The following MYSM1 variants were observed in gnomAD, a reference collection of about 807,000 sequenced individuals.
MYSM1 encodes the protein Myb like, SWIRM and MPN domains 1, also known as deubiquitinase MYSM1.
In MYSM1, 51 loss-of-function variants were observed where a neutral mutation model predicts 116.0. The observed-to-expected ratio is 0.44, with a 90% CI of 0.35 to 0.56. The LOEUF is 0.56. Among genes scored for constraint, MYSM1 ranks in the 20% least tolerant of loss-of-function variants. MYSM1 has a pLI of 0.00. For synonymous variants in MYSM1, 313 were observed against 315.2 expected (o/e 0.99, Z 0.07); for missense variants, 900 against 974.9 (o/e 0.92, Z 1.02).
intron 5 of MYSM1, chr1:58,689,547 G>A (rs1189868159): frequency 6.5e-6 from 1 of 153,098 alleles, no homozygotes; most frequent in Non-Finnish European, 1.5e-5. Flanking sequence ...ATTTAGAAAA[G>A]AAGTCAAAAA....
In MYSM1 at chr1:58,699,616, C is replaced by T. The variant is rs116714247; in HGVS notation, c.68+369G>A. 857 of 984,386 alleles carry T rather than the reference C, an allele frequency of 8.7e-4. 8 individuals carry two copies. In the African/African-American group the frequency reaches 0.012, roughly 14 times the overall value. The allele number at this position is 984,386 out of a possible 1,614,324, so 61.0% of individuals were successfully genotyped here. ...GGCTAGCAAGCCATAGAACAAGAGT[C>T]CCTGACCTCAGGTCTCGTCCGTAGC... On this transcript the variant is annotated intron_variant, in intron 1 of 19. Coordinates refer to ENST00000472487, the MANE Select transcript of MYSM1 (RefSeq NM_001085487.3).
chr1:58,695,031 G>T, intron 2 of MYSM1, 98 bp downstream of exon 2: 1 of 588,924 alleles, frequency 1.7e-6, no homozygotes, highest in Non-Finnish European at 2.9e-6. Context: ...ATCTGTGATA[G>T]TTGAGAACTA....
At position 58,682,035 on chromosome 1, in the gene MYSM1, G is replaced by A. The variant is rs1263488117; in HGVS notation, c.1009C>T (p.Gln337Ter). 6.2e-7 allele frequency: 1 copy of A among 1,614,004 alleles called. No homozygotes were observed. The highest frequency in any genetic ancestry group is 8.5e-7 in the Non-Finnish European group (1 of 1,180,026). ...TCACAAGGCTCTGGAGAAGGCAACTGCCTGGCATCAACTATTATTCCCCTT... is the reference window on the plus strand; with the variant it reads ...TCACAAGGCTCTGGAGAAGGCAACTACCTGGCATCAACTATTATTCCCCTT... ...DGRGIIVDAR[Q>*]LPSPEPCEIQ... The change falls in exon 8 of 20, where the codon CAG becomes TAG. Residue 337 changes from glutamine (Q) to a stop codon, truncating the protein, a stop_gained. Coordinates refer to ENST00000472487, the MANE Select transcript of MYSM1 (RefSeq NM_001085487.3). LOFTEE classifies it high-confidence loss of function.
rs77020443 is a variant in MYSM1, at chr1:58,686,596, A to C, written c.400-1345T>G. Among the ~76,000 whole-genome samples the C allele has an allele frequency of 7.1e-3, 1,087 of 152,360 alleles. 15 individuals carry two copies. The highest frequency in any genetic ancestry group is 0.025 in the African/African-American group (1,035 of 41,588). On this transcript the variant is annotated intron_variant, in intron 6 of 19. Coordinates refer to ENST00000472487, the MANE Select transcript of MYSM1 (RefSeq NM_001085487.3). ...AAATATGACATATGGACAATTTCTTAAACTCAAAGTGCTTCTGAAAATTAT... is the reference window on the plus strand; with the variant it reads ...AAATATGACATATGGACAATTTCTTCAACTCAAAGTGCTTCTGAAAATTAT...
chr1:58,679,207 C>G (rs1243282781), intron 8 of MYSM1, among the ~76,000 whole-genome samples: 1 of 152,048 alleles, frequency 6.6e-6, no homozygotes, highest in Non-Finnish European at 1.5e-5. Context: ...AGTGCCTAAC[C>G]ACTCACTCTC....
Position 58,689,091 on chromosome 1 carries a change from T to C in MYSM1, c.346A>G (p.Ser116Gly). 6.2e-7 allele frequency: 1 copy of C among 1,611,756 alleles called. No individual in the cohort carries two copies. The highest frequency in any genetic ancestry group is 8.5e-7 in the Non-Finnish European group (1 of 1,179,510). ...TCTATCGTCCACTTTACTGAGTAAC[T>C]GGCTGGTTTTGTAGGAGAGTGTACC... Reference protein sequence around the residue: ...IMVHSPTKPASYSVKWTIEEK... With the variant: ...IMVHSPTKPAGYSVKWTIEEK... Residue 116 changes from serine (S) to glycine (G), a missense_variant, in exon 6 of 20, where the codon AGT becomes GGT. By Grantham distance (56) the Ser-to-Gly change is moderately conservative (BLOSUM62 0). Transcript: ENST00000472487.
In MYSM1 at chr1:58,657,383, ACT is replaced by A. The variant is rs1644333021; in HGVS notation, c.*2612_*2613del. ...TATTAAAGGCAGGTGTTCCTTTGAG[ACT>A]CTGCCTCCTGAACTTCCTGTATCAT... On this transcript the variant is annotated 3_prime_UTR_variant, in exon 20 of 20. Coordinates refer to ENST00000472487, the MANE Select transcript of MYSM1 (RefSeq NM_001085487.3). The A allele has an allele frequency of 1.3e-5, 2 of 151,900 alleles. No individual in the cohort carries two copies. Among genetic ancestry groups the A allele is most frequent in the East Asian group, 3.9e-4 (2 of 5,190 alleles). The allele number at this position is 151,900 out of a possible 1,614,324, so 9.4% of individuals were successfully genotyped here. A position where few individuals can be genotyped will look rare whatever the true frequency, so the allele number is the denominator to read the frequency against.
In MYSM1 at chr1:58,682,005, G is replaced by T; in HGVS notation, c.1039C>A (p.Gln347Lys). ...QLPSPEPCEIQKNLNDNEMLF... is the reference protein window; with the variant it reads ...QLPSPEPCEIKKNLNDNEMLF... The stretch of plus-strand genomic sequence containing the variant: ...ATTTCATTATCATTCAAATTTTTCT[G>T]AATTTCACAAGGCTCTGGAGAAGGC... Residue 347 changes from glutamine (Q) to lysine (K), a missense_variant, in exon 8 of 20, where the codon CAG becomes AAG. Coordinates refer to ENST00000472487, the MANE Select transcript of MYSM1 (RefSeq NM_001085487.3). 6.2e-7 allele frequency: 1 copy of T among 1,614,044 alleles called. No individual in the cohort carries two copies. Among genetic ancestry groups the T allele is most frequent in the East Asian group, 2.2e-5 (1 of 44,862 alleles).
intron 2 of MYSM1, among the ~76,000 whole-genome samples, chr1:58,693,455 C>G (rs1425349924): frequency 6.6e-6 from 1 of 152,136 alleles, no homozygotes; most frequent in Non-Finnish European, 1.5e-5. Context: ...TAGAACTTAA[C>G]ATATCTAAAA....
Position 58,673,643 on chromosome 1 carries a change from C to T in MYSM1, c.1502G>A (p.Arg501Lys). 1 of 1,613,820 alleles carries T rather than the reference C, an allele frequency of 6.2e-7. No homozygotes were observed. The highest frequency in any genetic ancestry group is 1.1e-5 in the South Asian group (1 of 91,052). ...CCATGGGTCTCGGACCCTACGTCTC[C>T]TTGTACGCTGCGATGAGATTAAAGT... ...LAQRLQSMRT[R>K]RRRVRDPWGN... Residue 501 changes from arginine to lysine, a missense_variant, in exon 11 of 20, where the codon AGG (arginine) becomes AAG (lysine). This residue lies in a region of MYSM1 where 622 missense variants were observed against 623.7 expected (regional missense o/e 1.00). Coordinates refer to ENST00000472487, the MANE Select transcript of MYSM1 (RefSeq NM_001085487.3).
intron 3 of MYSM1, among the ~76,000 whole-genome samples, chr1:58,691,315 G>A (rs1400438527): frequency 2.6e-5 from 4 of 151,932 alleles, no homozygotes; most frequent in Admixed American, 2.6e-4. Flanking sequence ...CTAGCCTGAT[G>A]AAGTACTTTA....
intron 14 of MYSM1, chr1:58,668,395 G>C: frequency 8.2e-7 from 1 of 1,219,994 alleles, no homozygotes; most frequent in Non-Finnish European, 1.0e-6. Flanking sequence ...ACTTAAAATA[G>C]GGTTAATGAT....
At chr1:58,676,352 G>A (rs968197944) in intron 9 of MYSM1, among the ~76,000 whole-genome samples, 3 of 149,498 alleles carry the variant, frequency 2.0e-5, no homozygotes, top group African/African-American at 7.4e-5. Flanking sequence ...GGAGGCGGAA[G>A]TTGCAGTGAG....
intron 17 of MYSM1, among the ~76,000 whole-genome samples, chr1:58,662,264 G>A (rs6587835): frequency 0.21 from 31,702 of 151,874 alleles, 3,489 homozygotes; most frequent in South Asian, 0.28. Flanking sequence ...AATACCAAAC[G>A]ATGAGTTATC....
In MYSM1 at chr1:58,689,052, A is replaced by G. The variant is rs1183033230; in HGVS notation, c.385T>C (p.Phe129Leu). 14 of 1,611,270 alleles carry G rather than the reference A, an allele frequency of 8.7e-6. No individual in the cohort carries two copies. The Admixed American group carries it at 1.2e-4, about 14-fold the overall frequency. Residue 129 changes from phenylalanine (F) to leucine (L), a missense_variant, in exon 6 of 20, where the codon TTT becomes CTT. Phe to Leu is a conservative substitution (Grantham distance 22). Transcript: ENST00000472487. Reference sequence around the variant, plus strand: ...GCTCTATTTACCAGCCCTTGTTCAAACAGCTCTTTTTCTTCTATCGTCCAC... The same window carrying G: ...GCTCTATTTACCAGCCCTTGTTCAAGCAGCTCTTTTTCTTCTATCGTCCAC... Reference protein sequence around the residue: ...VKWTIEEKELFEQGLAKFGRR... With the variant: ...VKWTIEEKELLEQGLAKFGRR...
chr1:58,694,311 G>A (rs940536415), intron 2 of MYSM1, among the ~76,000 whole-genome samples: 2 of 152,164 alleles, frequency 1.3e-5, no homozygotes, highest in Admixed American at 6.5e-5. Flanking sequence ...GACTGGCACC[G>A]AGTAAGTACT....
At chr1:58,689,894 G>A (rs186782198) in intron 5 of MYSM1, among the ~76,000 whole-genome samples, 4 of 152,242 alleles carry the variant, frequency 2.6e-5, no homozygotes, top group Non-Finnish European at 4.4e-5. Context: ...TTGAAAATAA[G>A]TGAAAATTAA....
chr1:58,685,913 G>A (rs1644820946), intron 6 of MYSM1, among the ~76,000 whole-genome samples: 1 of 152,100 alleles, frequency 6.6e-6, no homozygotes, highest in Admixed American at 6.5e-5. Flanking sequence ...GTTTTCTCCT[G>A]TTAATGTCGT....
Position 58,657,268 on chromosome 1 carries a change from T to C in MYSM1, c.*2729A>G, listed in dbSNP as rs1644330913. ...AAAAAAAAATTAGGTCATTATTTTA[T>C]AGTCATTGTGCAATAACAAAGACAG... On this transcript the variant is annotated 3_prime_UTR_variant, in exon 20 of 20. Coordinates refer to ENST00000472487, the MANE Select transcript of MYSM1 (RefSeq NM_001085487.3). 1 of 152,032 alleles carries C rather than the reference T, an allele frequency of 6.6e-6. No homozygotes were observed. The highest frequency in any genetic ancestry group is 2.4e-5 in the African/African-American group (1 of 41,372). 9.4% of individuals were successfully genotyped at this position (152,032 alleles called of 1,614,324 possible). A position where few individuals can be genotyped will look rare whatever the true frequency, so the allele number is the denominator to read the frequency against.
Sources: gnomAD v4.1 joint callset for allele counts (sites outside exome capture counted in the v4.1 genomes callset) on GRCh38, gnomAD v4.1.1 for gene constraint, gnomAD v4.1.1 regional missense constraint, MANE v1.5 for transcripts, NCBI Gene and HGNC (gene_info 2026-07-23, HGNC 2026-07-21) for gene names.